KCNQ1: variants seen among roughly 807,000 people sequenced by gnomAD.
The protein encoded by KCNQ1 is potassium voltage-gated channel subfamily KQT member 1.
Under a neutral mutation model 72.4 loss-of-function variants are expected in KCNQ1, and 49 were observed. The observed-to-expected ratio is 0.68, with a 90% confidence interval of 0.54 to 0.86. The LOEUF (loss-of-function observed/expected upper bound fraction) is 0.86. Among genes scored for constraint, KCNQ1 ranks in the 40% least tolerant of loss-of-function variants. The pLI is 0.00. For missense variants in KCNQ1, 790 were observed against 945.1 expected (o/e 0.84, Z 2.15); for synonymous variants, 450 against 412.6 (o/e 1.09, Z -1.10).
intron 11 of KCNQ1, among the ~76,000 whole-genome samples, chr11:2,714,148 C>T (rs532714080): frequency 4.6e-5 from 7 of 152,328 alleles, no homozygotes; most frequent in African/African-American, 7.2e-5. Context: ...CCTGGGCAGG[C>T]GCAGTGCCCA....
chr11:2,702,650 C>A (rs751505121), intron 11 of KCNQ1, among the ~76,000 whole-genome samples: 8 of 152,190 alleles, frequency 5.3e-5, no homozygotes, highest in Non-Finnish European at 1.2e-4. Context: ...CTCTACCTAA[C>A]CCTGGAACCT....
At position 2,764,456 on chromosome 11, in the gene KCNQ1, G is replaced by C. The variant is rs770232008; in HGVS notation, c.1515-4388G>C. 1.3e-5 allele frequency among the ~76,000 whole-genome samples: 2 copies of C among 152,034 alleles called. No homozygotes were observed. Among genetic ancestry groups the C allele is most frequent in the African/African-American group, 2.4e-5 (1 of 41,390 alleles). On this transcript the variant is annotated intron_variant, in intron 11 of 15. Coordinates refer to ENST00000155840, the MANE Select transcript of KCNQ1 (RefSeq NM_000218.3). The surrounding 1 kb of genome is among the most constrained non-coding windows in gnomAD (Gnocchi z 4.8). ...ACATGCAGCTTGCTGGTGGTGGTTA[G>C]GATATTTGCACGTATGTTCACGAGA...
rs1849957542 is a variant in KCNQ1 at position 2,661,610 on chromosome 11, G to C, written c.1394-351G>C. ...GTTGTCCCTTACCAGGCCTGTGCCT[G>C]TCACCTCTGTTTTATTCTTGACCCA... On this transcript the variant is annotated intron_variant, in intron 10 of 15. Transcript: ENST00000155840. The surrounding 1 kb of genome is among the most constrained non-coding windows in gnomAD (Gnocchi z 5.9). The C allele has an allele frequency of 6.9e-6, 4 of 581,556 alleles. No individual in the cohort carries two copies. The highest frequency in any genetic ancestry group is 3.0e-5 in the Admixed American group (1 of 33,336). 36.0% of individuals were successfully genotyped at this position (581,556 alleles called of 1,614,324 possible). A position where few individuals can be genotyped will look rare whatever the true frequency, so the allele number is the denominator to read the frequency against.
chr11:2,649,168 C>T (rs1264986052), intron 10 of KCNQ1: 4 of 397,670 alleles, frequency 1.0e-5, no homozygotes, highest in African/African-American at 4.1e-5. Context: ...ATTCATTTAG[C>T]CAGTATCTAT....
intron 15 of KCNQ1, among the ~76,000 whole-genome samples, chr11:2,788,395 T>C (rs974289592): frequency 6.6e-6 from 1 of 152,170 alleles, no homozygotes; most frequent in African/African-American, 2.4e-5. Context: ...GAAGTGTGTG[T>C]CGGTGCAGGC....
chr11:2,514,557 C>T lies in KCNQ1; in HGVS notation c.387-13371C>T, dbSNP rs549607789. On this transcript the variant is annotated intron_variant, in intron 1 of 15. Coordinates refer to ENST00000155840, the MANE Select transcript of KCNQ1 (RefSeq NM_000218.3). ...TTGGCCGGGCGAGGTGGCTCATGGG[C>T]GCGGTGGCTCACGCCTGTAATCCCA... 2.6e-5 allele frequency among the ~76,000 whole-genome samples: 4 copies of T among 152,302 alleles called. 1 individual carries two copies. The highest frequency in any genetic ancestry group is 4.1e-4 in the South Asian group (2 of 4,828).
At position 2,478,199 on chromosome 11, in the gene KCNQ1, C is replaced by G. The variant is rs531089750; in HGVS notation, c.386+32715C>G. On this transcript the variant is annotated intron_variant, in intron 1 of 15. Transcript: ENST00000155840. This position sits in a 1 kb window ranked among gnomAD's most constrained non-coding sequence, Gnocchi z 4.0. ...AAACCCACATGGAGGGAGACACACACAGTGGCCTGAATACTTTGAAAATGC... is the reference window on the plus strand; with the variant it reads ...AAACCCACATGGAGGGAGACACACAGAGTGGCCTGAATACTTTGAAAATGC... Among the ~76,000 whole-genome samples the G allele has an allele frequency of 6.6e-6, 1 of 152,258 alleles. No homozygotes were observed. Among genetic ancestry groups the G allele is most frequent in the South Asian group, 2.1e-4 (1 of 4,826 alleles).
At chr11:2,640,897 A>G (rs1849565750) in intron 10 of KCNQ1, 8 of 399,454 alleles carry the variant, frequency 2.0e-5, no homozygotes, top group Non-Finnish European at 3.1e-5. Context: ...CAACTTTTAT[A>G]GCTCCCACAT....
At chr11:2,697,284 T>C (rs1367866212) in intron 11 of KCNQ1, 1 of 398,446 alleles carries the variant, frequency 2.5e-6, no homozygotes, top group Non-Finnish European at 4.4e-6. Context: ...ATACAACAAG[T>C]CGTAACACCA....
intron 13 of KCNQ1, 54 bp from the exon 14 acceptor site, chr11:2,776,932 A>C (rs912433146): frequency 2.6e-6 from 4 of 1,547,468 alleles, no homozygotes; most frequent in East Asian, 2.2e-5. Context: ...ACGACAGTGC[A>C]TCTGCGCAGT....
At chr11:2,632,182 CAAA>C (rs34998500) in intron 10 of KCNQ1, 2,570 of 304,362 alleles carry the variant, frequency 8.4e-3, no homozygotes, top group Middle Eastern at 0.012. Context: ...GACTCTGCCT[CAAA>C]AAAAAAAAAA....
Position 2,588,769 on chromosome 11 carries a change from G to A in KCNQ1, c.1308G>A (p.Lys436=). 1 of 1,613,762 alleles carries A rather than the reference G, an allele frequency of 6.2e-7. No homozygotes were observed. The highest frequency in any genetic ancestry group is 8.5e-7 in the Non-Finnish European group (1 of 1,179,978). Residue 436 remains lysine, a synonymous_variant, in exon 10 of 16, where the codon AAG becomes AAA. Transcript: ENST00000155840. This position sits in a 1 kb window ranked among gnomAD's most constrained non-coding sequence, Gnocchi z 5.6. ...DKDNGVTPGE[K]MLTVPHITCD... ...ACAATGGGGTGACTCCTGGAGAGAA[G>A]ATGCTCACAGTCCCCCATATCACGT...
Position 2,790,870 on chromosome 11 carries a change from G to C in KCNQ1, c.1794+12833G>C, listed in dbSNP as rs143764161. ...AAGTTCCGCCTCAACCCTACTACGT[G>C]GCCCTGGCCAGGCCTCCTGAATCCA... On this transcript the variant is annotated intron_variant, in intron 15 of 15. Coordinates refer to ENST00000155840, the MANE Select transcript of KCNQ1 (RefSeq NM_000218.3). Among the ~76,000 whole-genome samples the C allele has an allele frequency of 2.1e-3, 314 of 152,284 alleles. 1 individual carries two copies. Among genetic ancestry groups the C allele is most frequent in the African/African-American group, 7.1e-3 (295 of 41,544 alleles).
intron 2 of KCNQ1, among the ~76,000 whole-genome samples, chr11:2,529,756 A>G (rs903350883): frequency 3.3e-5 from 5 of 152,164 alleles, no homozygotes; most frequent in African/African-American, 1.2e-4. Flanking sequence ...CCAGGAGGGC[A>G]GATTGCTGCT....
Position 2,752,945 on chromosome 11 carries a change from T to C in KCNQ1, c.1515-15899T>C, listed in dbSNP as rs113073676. On this transcript the variant is annotated intron_variant, in intron 11 of 15. Coordinates refer to ENST00000155840, the MANE Select transcript of KCNQ1 (RefSeq NM_000218.3). This position sits in a 1 kb window ranked among gnomAD's most constrained non-coding sequence, Gnocchi z 5.2. ...GCCAGCCAGGAAGGTCTGCCCTGGC[T>C]GGTCTGGGCTTGAGGACCAGCACGG... Among the ~76,000 whole-genome samples the C allele has an allele frequency of 0.022, 3,284 of 152,244 alleles. 125 individuals carry two copies. The highest frequency in any genetic ancestry group is 0.074 in the African/African-American group (3,088 of 41,534).
At chr11:2,573,594 T>C (rs56209304) in intron 6 of KCNQ1, among the ~76,000 whole-genome samples, 23,010 of 152,210 alleles carry the variant, frequency 0.15, 4,915 homozygotes, top group African/African-American at 0.48. Context: ...CAGCTGGGCC[T>C]AGGGAAGCAG....
Position 2,683,118 on chromosome 11 carries a change from C to T in KCNQ1, c.1514+21037C>T, listed in dbSNP as rs766757995. ...TTTCTTGTTCCCAGGATATATCGCA[C>T]CAACTCAGGAGGGTGTGGGGATGGG... On this transcript the variant is annotated intron_variant, in intron 11 of 15. Transcript: ENST00000155840. This position sits in a 1 kb window ranked among gnomAD's most constrained non-coding sequence, Gnocchi z 4.7. 12 of 343,562 alleles carry T rather than the reference C, an allele frequency of 3.5e-5. No homozygotes were observed. The highest frequency in any genetic ancestry group is 1.4e-5 in the Non-Finnish European group (3 of 212,216). The allele number at this position is 343,562 out of a possible 1,614,324, so 21.3% of individuals were successfully genotyped here. A position where few individuals can be genotyped will look rare whatever the true frequency, so the allele number is the denominator to read the frequency against.
At chr11:2,452,945 C>T (rs1846136309) in intron 1 of KCNQ1, among the ~76,000 whole-genome samples, 2 of 152,208 alleles carry the variant, frequency 1.3e-5, no homozygotes, top group Non-Finnish European at 2.9e-5. Context: ...CCAGGATAGA[C>T]TCCCAGTGGG....
intron 11 of KCNQ1, among the ~76,000 whole-genome samples, chr11:2,702,053 C>A (rs1473428950): frequency 2.6e-5 from 4 of 152,214 alleles, no homozygotes; most frequent in Non-Finnish European, 4.4e-5. Context: ...TCACTGTGGC[C>A]CCCAGGCCTC....
Sources: gnomAD v4.1 joint callset for allele counts (sites outside exome capture counted in the v4.1 genomes callset) on GRCh38, gnomAD v4.1.1 for gene constraint, Gnocchi (gnomAD v3.1) non-coding constraint, MANE v1.5 for transcripts, NCBI Gene and HGNC (gene_info 2026-07-23, HGNC 2026-07-21) for gene names.